Variants in VEGFC observed in about 807,000 individuals in gnomAD.
VEGFC encodes the protein FLT4 ligand DHM.
Under a neutral mutation model 46.1 loss-of-function variants are expected in VEGFC, and 12 were observed. That is an observed-to-expected ratio of 0.26 (90% CI 0.17 to 0.42). The LOEUF (loss-of-function observed/expected upper bound fraction) is 0.42. Among genes scored for constraint, VEGFC ranks in the 10% least tolerant of loss-of-function variants. VEGFC has a pLI of 1.00. For missense variants in VEGFC, 488 were observed against 529.4 expected, an observed-to-expected ratio of 0.92 and a Z score of 0.77; for synonymous variants, 232 against 195.5, an observed-to-expected ratio of 1.19 and a Z score of -1.56.
At chr4:176,784,779 A>AAAAAAAAAAAAAAG (rs1553998122) in intron 1 of VEGFC, among the ~76,000 whole-genome samples, 2 of 100,218 alleles carry the variant, frequency 2.0e-5, no homozygotes, top group African/African-American at 3.0e-5. Context: ...AAAAAAAAAA[A>AAAAAAAAAAAAAAG]GATAAAGTAA....
chr4:176,719,160 TA>T (rs1024654943), intron 3 of VEGFC, among the ~76,000 whole-genome samples: 1 of 152,154 alleles, frequency 6.6e-6, no homozygotes, highest in African/African-American at 2.4e-5. Flanking sequence ...AGTCCCATTT[TA>T]AAAAAGCATT....
At chr4:176,785,066 C>A (rs146306972) in intron 1 of VEGFC, among the ~76,000 whole-genome samples, 5 of 151,976 alleles carry the variant, frequency 3.3e-5, no homozygotes, top group Admixed American at 1.3e-4. Context: ...TTCTTCCAGG[C>A]GCTATCACAG....
intron 1 of VEGFC, among the ~76,000 whole-genome samples, chr4:176,748,122 T>C (rs2110889962): frequency 6.6e-6 from 1 of 152,198 alleles, no homozygotes; most frequent in South Asian, 2.1e-4. Context: ...TGGTTTTGTG[T>C]GGACCCCACA....
At chr4:176,736,115 T>C (rs1579113492) in intron 1 of VEGFC, among the ~76,000 whole-genome samples, 1 of 151,738 alleles carries the variant, frequency 6.6e-6, no homozygotes, top group Non-Finnish European at 1.5e-5. Flanking sequence ...ACTTCTCAAT[T>C]AGGAGAAAAA....
intron 6 of VEGFC, among the ~76,000 whole-genome samples, chr4:176,685,660 AG>A (rs2110960751): frequency 6.6e-6 from 1 of 152,120 alleles, no homozygotes; most frequent in Non-Finnish European, 1.5e-5. Flanking sequence ...TAGTTTAATA[AG>A]GCTTAAAAAG....
At chr4:176,725,370 C>G (rs905774002) in intron 3 of VEGFC, among the ~76,000 whole-genome samples, 7 of 152,104 alleles carry the variant, frequency 4.6e-5, no homozygotes, top group Non-Finnish European at 1.0e-4. Context: ...GTGGTGCAAT[C>G]CTAGCACACT....
At chr4:176,697,456 A>C (rs1457561807) in intron 4 of VEGFC, among the ~76,000 whole-genome samples, 1 of 152,214 alleles carries the variant, frequency 6.6e-6, no homozygotes, top group Admixed American at 6.5e-5. Context: ...CACCACGTAG[A>C]ATGGCAATCA....
At chr4:176,736,907 G>A (rs920658483) in intron 1 of VEGFC, among the ~76,000 whole-genome samples, 2 of 151,296 alleles carry the variant, frequency 1.3e-5, no homozygotes, top group Non-Finnish European at 3.0e-5. Context: ...GCACTACACA[G>A]TGAAGCATAA....
intron 4 of VEGFC, among the ~76,000 whole-genome samples, chr4:176,705,581 T>C (rs1194246417): frequency 2.0e-5 from 3 of 152,174 alleles, no homozygotes; most frequent in Admixed American, 1.3e-4. Flanking sequence ...CTTTAGCATT[T>C]TACACATTAA....
At chr4:176,763,371 T>TATA (rs34622168) in intron 1 of VEGFC, among the ~76,000 whole-genome samples, 133,294 of 151,980 alleles carry the variant, frequency 0.88, 58,901 homozygotes, top group East Asian at 1. Flanking sequence ...AAACTATAGT[T>TATA]AACATGAATG....
At chr4:176,732,206 G>A (rs1405309221) in intron 1 of VEGFC, among the ~76,000 whole-genome samples, 1 of 151,742 alleles carries the variant, frequency 6.6e-6, no homozygotes, top group Non-Finnish European at 1.5e-5. Context: ...TAGAAAGATG[G>A]ACAAAGAAGG....
At chr4:176,768,203 T>C (rs1297497482) in intron 1 of VEGFC, among the ~76,000 whole-genome samples, 1 of 152,088 alleles carries the variant, frequency 6.6e-6, no homozygotes, top group African/African-American at 2.4e-5. Context: ...AGGCAGCTAG[T>C]TATATTTTAA....
At chr4:176,717,225 G>A (rs1734714272) in intron 3 of VEGFC, among the ~76,000 whole-genome samples, 1 of 151,900 alleles carries the variant, frequency 6.6e-6, no homozygotes, top group Non-Finnish European at 1.5e-5. Context: ...ACCAGTTGTT[G>A]GTTTTGGAGA....
chr4:176,722,194 G>C (rs143148064), intron 3 of VEGFC, among the ~76,000 whole-genome samples: 2 of 151,912 alleles, frequency 1.3e-5, no homozygotes, highest in Non-Finnish European at 2.9e-5. Flanking sequence ...GAAATTTCAT[G>C]GGCAAGTCCT....
chr4:176,729,622 T>G lies in VEGFC; in HGVS notation c.272A>C (p.Gln91Pro). Residue 91 changes from glutamine to proline, a missense_variant, in exon 2 of 7, where the codon CAA becomes CCA. Transcript: ENST00000618562. ...GAGGTTGGCCTGTTCTCTGTTATGT[T>G]GCCAGCCTCCTTTCCTTAGCTGACA... ...YKCQLRKGGW[Q>P]HNREQANLNS... 6.2e-7 allele frequency: 1 copy of G among 1,613,914 alleles called. No homozygotes were observed. Among genetic ancestry groups the G allele is most frequent in the Non-Finnish European group, 8.5e-7 (1 of 1,179,918 alleles).
rs4604006 is a variant in VEGFC, at chr4:176,687,621, T to C, written c.812-101A>G. The C allele has an allele frequency of 0.68, 831,111 of 1,228,454 alleles. 286,949 individuals carry two copies. Among genetic ancestry groups the C allele is most frequent in the South Asian group, 0.74 (45,036 of 61,228 alleles). 76.1% of individuals were successfully genotyped at this position (1,228,454 alleles called of 1,614,324 possible). On this transcript the variant is annotated intron_variant, in intron 5 of 6. Coordinates refer to ENST00000618562, the MANE Select transcript of VEGFC (RefSeq NM_005429.5). Reference sequence around the variant, plus strand: ...GCATCTTCCTTTTGTATGTTTTCCATCAAAGGATTGGGTACAAACATGAGT... The same window carrying C: ...GCATCTTCCTTTTGTATGTTTTCCACCAAAGGATTGGGTACAAACATGAGT...
intron 4 of VEGFC, among the ~76,000 whole-genome samples, chr4:176,708,149 C>T (rs1466125484): frequency 6.6e-6 from 1 of 151,274 alleles, no homozygotes; most frequent in Non-Finnish European, 1.5e-5. Flanking sequence ...AATTATTTTA[C>T]TTTTGCTGGA....
At chr4:176,774,846 C>T (rs1013081278) in intron 1 of VEGFC, among the ~76,000 whole-genome samples, 2 of 147,370 alleles carry the variant, frequency 1.4e-5, no homozygotes, top group African/African-American at 5.0e-5. Flanking sequence ...AAAAAAAGAA[C>T]TTATGCTTTA....
chr4:176,787,196 T>C (rs554553119), intron 1 of VEGFC, among the ~76,000 whole-genome samples: 1 of 152,118 alleles, frequency 6.6e-6, no homozygotes, highest in Admixed American at 6.5e-5. Context: ...GCGCAGTGGC[T>C]CATGCCTGTA....
Sources: gnomAD v4.1 joint callset for allele counts (sites outside exome capture counted in the v4.1 genomes callset) on GRCh38, gnomAD v4.1.1 for gene constraint, MANE v1.5 for transcripts, NCBI Gene and HGNC (gene_info 2026-07-23, HGNC 2026-07-21) for gene names.